IL1RAPL2: variants seen among roughly 807,000 people sequenced by gnomAD.
The protein encoded by IL1RAPL2 is interleukin 1 receptor accessory protein like 2.
A neutral mutation model predicts 44.1 loss-of-function variants in IL1RAPL2; 3 were observed. That is an observed-to-expected ratio of 0.07 (90% CI 0.03 to 0.18). The LOEUF (loss-of-function observed/expected upper bound fraction) is 0.18. Among genes scored for constraint, IL1RAPL2 ranks in the 10% least tolerant of loss-of-function variants. The pLI is 1.00. For synonymous variants in IL1RAPL2, 181 were observed against 178.8 expected (o/e 1.01, Z -0.10); for missense variants, 391 against 496.4 (o/e 0.79, Z 2.02).
At chrX:105,740,105 A>T (rs902555974) in intron 7 of IL1RAPL2, among the ~76,000 whole-genome samples, 1 of 109,486 alleles carries the variant, frequency 9.1e-6, no homozygotes, top group Non-Finnish European at 1.9e-5. Context: ...GCCAGTGATG[A>T]TGGGCAGTTT....
intron 6 of IL1RAPL2, among the ~76,000 whole-genome samples, chrX:105,494,210 C>T (rs140415802): frequency 0.014 from 1,585 of 111,616 alleles, 32 homozygotes; most frequent in African/African-American, 0.049. Context: ...ATACCATCAG[C>T]TTTGCAGCAC....
intron 5 of IL1RAPL2, among the ~76,000 whole-genome samples, chrX:105,271,709 T>C (rs774291726): frequency 9.0e-6 from 1 of 110,800 alleles, no homozygotes; most frequent in Admixed American, 9.7e-5. Flanking sequence ...TCCTCTTTTA[T>C]TTCCTCGAGC....
At chrX:105,044,401 G>T (rs927244956) in intron 2 of IL1RAPL2, among the ~76,000 whole-genome samples, 6 of 110,889 alleles carry the variant, frequency 5.4e-5, no homozygotes, top group Admixed American at 2.9e-4. Flanking sequence ...GGAATAAAAA[G>T]GGTATAACTC....
chrX:104,872,023 G>T (rs910025603), intron 2 of IL1RAPL2, among the ~76,000 whole-genome samples: 2 of 111,705 alleles, frequency 1.8e-5, no homozygotes, highest in Non-Finnish European at 3.8e-5. Flanking sequence ...CTTGTATAGT[G>T]TTGTGTATAA....
At chrX:105,243,567 GTA>G (rs1178955820) in intron 4 of IL1RAPL2, among the ~76,000 whole-genome samples, 1,373 of 80,638 alleles carry the variant, frequency 0.017, 12 homozygotes, top group Non-Finnish European at 0.021. Flanking sequence ...ATATATGTGT[GTA>G]TATATATATA....
intron 2 of IL1RAPL2, among the ~76,000 whole-genome samples, chrX:104,991,443 C>T (rs1479015075): frequency 9.0e-6 from 1 of 110,996 alleles, no homozygotes; most frequent in African/African-American, 3.3e-5. Context: ...CAGACAGGGG[C>T]CAGAAAGCCT....
chrX:105,547,548 G>C (rs1226877629), intron 6 of IL1RAPL2, among the ~76,000 whole-genome samples: 2 of 112,109 alleles, frequency 1.8e-5, no homozygotes, highest in East Asian at 5.6e-4. Context: ...TAGCTAGGCA[G>C]TTCTTCTGGA....
rs149941122 is a variant in IL1RAPL2 at position 105,674,193 on chromosome X, T to A, written c.773-43174T>A. ...TTTAATTAGATCCCATTTATCAATT[T>A]TTGCTTTTATTGCAATCGCTTATGG... On this transcript the variant is annotated intron_variant, in intron 6 of 10. Coordinates refer to ENST00000372582, the MANE Select transcript of IL1RAPL2 (RefSeq NM_017416.2). Among the ~76,000 whole-genome samples, 99 of 112,403 alleles carry A rather than the reference T, an allele frequency of 8.8e-4. 1 individual carries two copies. The highest frequency in any genetic ancestry group is 3.0e-3 in the African/African-American group (93 of 30,970).
chrX:105,466,609 A>G (rs780461071), intron 5 of IL1RAPL2, among the ~76,000 whole-genome samples: 1 of 111,883 alleles, frequency 8.9e-6, no homozygotes, highest in South Asian at 3.7e-4. Context: ...ACTTTTTAAT[A>G]GAGGAAAAAG....
intron 2 of IL1RAPL2, among the ~76,000 whole-genome samples, chrX:105,134,535 C>T (rs1281670407): frequency 9.0e-6 from 1 of 111,617 alleles, no homozygotes; most frequent in Non-Finnish European, 1.9e-5. Flanking sequence ...ACTCTATCAA[C>T]ATTGTGGTTT....
At chrX:104,731,876 T>C (rs1022360134) in intron 2 of IL1RAPL2, among the ~76,000 whole-genome samples, 3 of 111,828 alleles carry the variant, frequency 2.7e-5, no homozygotes, top group Non-Finnish European at 5.6e-5. Flanking sequence ...AAAATACTTT[T>C]TCTTTTGAGT....
intron 5 of IL1RAPL2, among the ~76,000 whole-genome samples, chrX:105,383,183 T>C (rs1321857249): frequency 9.0e-6 from 1 of 110,648 alleles, no homozygotes; most frequent in East Asian, 2.9e-4. Context: ...TCTATTTTTG[T>C]ACCAAACACT....
At chrX:105,572,428 A>G (rs1214775386) in intron 6 of IL1RAPL2, among the ~76,000 whole-genome samples, 2 of 111,893 alleles carry the variant, frequency 1.8e-5, no homozygotes, top group Non-Finnish European at 3.8e-5. Context: ...ATTAATTACT[A>G]TTTGGTTTTA....
At chrX:105,515,610 T>A (rs182485623) in intron 6 of IL1RAPL2, among the ~76,000 whole-genome samples, 221 of 111,926 alleles carry the variant, frequency 2.0e-3, no homozygotes, top group African/African-American at 6.3e-3. Context: ...CACTGGGGGC[T>A]AAAGTGGTTG....
chrX:105,732,467 C>A (rs1222138458), intron 7 of IL1RAPL2, among the ~76,000 whole-genome samples: 2 of 109,993 alleles, frequency 1.8e-5, no homozygotes, highest in Non-Finnish European at 3.8e-5. Context: ...CACCTCCCCA[C>A]CCCTCTCTTC....
intron 2 of IL1RAPL2, among the ~76,000 whole-genome samples, chrX:104,714,653 C>T (rs1318991762): frequency 2.7e-5 from 3 of 111,262 alleles, no homozygotes; most frequent in Non-Finnish European, 5.7e-5. Context: ...CTAATACCTT[C>T]CTTTAATGCC....
At chrX:105,078,354 G>A (rs2032344201) in intron 2 of IL1RAPL2, among the ~76,000 whole-genome samples, 1 of 111,431 alleles carries the variant, frequency 9.0e-6, no homozygotes. Flanking sequence ...AGCGGGTATT[G>A]GTGAACTGCA....
intron 2 of IL1RAPL2, among the ~76,000 whole-genome samples, chrX:104,946,800 T>C (rs1925388226): frequency 1.0e-5 from 1 of 96,930 alleles, no homozygotes; most frequent in Non-Finnish European, 2.1e-5. Flanking sequence ...CACATTTTCT[T>C]AATCCAGTCT....
chrX:105,250,415 C>T (rs1171369133), intron 4 of IL1RAPL2, among the ~76,000 whole-genome samples: 1 of 110,945 alleles, frequency 9.0e-6, no homozygotes, highest in Non-Finnish European at 1.9e-5. Flanking sequence ...AATATTCGTT[C>T]ATCAATTAGA....
Sources: allele counts gnomAD v4.1 joint callset (sites outside exome capture counted in the v4.1 genomes callset), GRCh38; gene constraint gnomAD v4.1.1; transcripts MANE v1.5; gene names NCBI Gene and HGNC (gene_info 2026-07-23, HGNC 2026-07-21).